The following PPM1L variants were observed in gnomAD, a reference collection of about 807,000 sequenced individuals.
PPM1L encodes protein phosphatase 1L.
A neutral mutation model predicts 31.4 loss-of-function variants in PPM1L; 13 were observed. The ratio of observed to expected loss-of-function variants is 0.41; its 90% confidence interval spans 0.27 to 0.66. The LOEUF (loss-of-function observed/expected upper bound fraction) is 0.66, where lower values mean the gene tolerates loss of function less well. Among genes scored for constraint, PPM1L ranks in the 30% least tolerant of loss-of-function variants. The pLI, the probability that PPM1L is intolerant of heterozygous loss-of-function variation, is 0.29. For synonymous variants in PPM1L, 184 were observed against 175.4 expected (o/e 1.05, Z -0.39); for missense variants, 326 against 453.7 (o/e 0.72, Z 2.56).
intron 1 of PPM1L, among the ~76,000 whole-genome samples, chr3:160,944,841 T>C (rs1487971172): frequency 4.0e-5 from 1 of 25,278 alleles, no homozygotes; most frequent in African/African-American, 1.7e-4. Flanking sequence ...CATATATATG[T>C]TATATATAAC....
intron 2 of PPM1L, among the ~76,000 whole-genome samples, chr3:161,003,208 T>G (rs1717566833): frequency 1.3e-5 from 2 of 151,588 alleles, no homozygotes; most frequent in Admixed American, 6.6e-5. Context: ...ATGTCTGTTT[T>G]GGTACCAGTA....
At chr3:160,917,616 G>A (rs917534371) in intron 1 of PPM1L, among the ~76,000 whole-genome samples, 2 of 152,066 alleles carry the variant, frequency 1.3e-5, no homozygotes, top group Non-Finnish European at 2.9e-5. Context: ...CCTGCCTGCA[G>A]CTATTAAAAG....
At chr3:160,965,912 TA>T (rs769454794) in intron 2 of PPM1L, among the ~76,000 whole-genome samples, 1 of 152,074 alleles carries the variant, frequency 6.6e-6, no homozygotes, top group Non-Finnish European at 1.5e-5. Flanking sequence ...CTTCTATTAA[TA>T]AAAAAACAAT....
chr3:160,978,362 G>A (rs531658266), intron 2 of PPM1L, among the ~76,000 whole-genome samples: 34 of 152,338 alleles, frequency 2.2e-4, no homozygotes, highest in Admixed American at 3.3e-4. Context: ...GTCCGAGGCA[G>A]CATCTGAGCA....
rs577983697 is a variant in PPM1L at position 160,764,518 on chromosome 3, G to A, written c.399+7811G>A. ...GTGTCTTGTTCTGTCCCAGGCTGGA[G>A]TGCAATGGCACGATCTAGGCTCGCT... On this transcript the variant is annotated intron_variant, in intron 1 of 3. Transcript: ENST00000498165. 1.1e-3 allele frequency among the ~76,000 whole-genome samples: 160 copies of A among 150,350 alleles called. 1 individual carries two copies. The highest frequency in any genetic ancestry group is 3.5e-3 in the Admixed American group (53 of 15,112).
At chr3:160,864,679 A>G (rs968641705) in intron 1 of PPM1L, among the ~76,000 whole-genome samples, 6 of 152,254 alleles carry the variant, frequency 3.9e-5, no homozygotes, top group Admixed American at 3.3e-4. Flanking sequence ...TGAATAAGAC[A>G]TAAGTCTTGT....
chr3:160,917,101 A>G (rs6799160), intron 1 of PPM1L, among the ~76,000 whole-genome samples: 57,060 of 152,076 alleles, frequency 0.38, 13,661 homozygotes, highest in Non-Finnish European at 0.54. Flanking sequence ...TGCTACTTAT[A>G]CTATTTACTT....
At chr3:160,972,701 T>G (rs1339823835) in intron 2 of PPM1L, among the ~76,000 whole-genome samples, 1 of 152,184 alleles carries the variant, frequency 6.6e-6, no homozygotes, top group Non-Finnish European at 1.5e-5. Flanking sequence ...TTATAATCCT[T>G]TGGGTATATA....
At chr3:160,997,036 G>T (rs1243136551) in intron 2 of PPM1L, among the ~76,000 whole-genome samples, 1 of 152,158 alleles carries the variant, frequency 6.6e-6, no homozygotes, top group African/African-American at 2.4e-5. Context: ...GGGGCTAATG[G>T]ATCAGATATC....
intron 1 of PPM1L, among the ~76,000 whole-genome samples, chr3:160,784,280 A>C (rs547633628): frequency 1.3e-5 from 2 of 152,286 alleles, no homozygotes; most frequent in East Asian, 3.9e-4. Flanking sequence ...TACTGTTCTA[A>C]TCTACCATAC....
intron 1 of PPM1L, among the ~76,000 whole-genome samples, chr3:160,805,167 G>C (rs1017694048): frequency 6.6e-6 from 1 of 152,158 alleles, no homozygotes; most frequent in African/African-American, 2.4e-5. Flanking sequence ...TTCCACTGGC[G>C]TATGTAATTC....
At chr3:160,926,965 C>A (rs1324719932) in intron 1 of PPM1L, among the ~76,000 whole-genome samples, 1 of 152,190 alleles carries the variant, frequency 6.6e-6, no homozygotes, top group Non-Finnish European at 1.5e-5. Flanking sequence ...AATCATTGAT[C>A]CTCAGTGCCT....
At chr3:160,970,445 ATATTT>A (rs1716291458) in intron 2 of PPM1L, among the ~76,000 whole-genome samples, 1 of 33,458 alleles carries the variant, frequency 3.0e-5, no homozygotes. Flanking sequence ...ACCAAGCTGA[ATATTT>A]TTTTTTTTTT....
intron 2 of PPM1L, among the ~76,000 whole-genome samples, chr3:161,005,369 A>C (rs1472523166): frequency 6.6e-6 from 1 of 152,232 alleles, no homozygotes; most frequent in African/African-American, 2.4e-5. Flanking sequence ...CCTACCTTTT[A>C]AAGTGGCATG....
intron 1 of PPM1L, among the ~76,000 whole-genome samples, chr3:160,850,493 C>T (rs1209132423): frequency 6.6e-6 from 1 of 152,072 alleles, no homozygotes; most frequent in Non-Finnish European, 1.5e-5. Flanking sequence ...TTTAGTCAAC[C>T]TCCAGTCCTG....
At chr3:160,830,505 T>G (rs576108156) in intron 1 of PPM1L, among the ~76,000 whole-genome samples, 365 of 152,204 alleles carry the variant, frequency 2.4e-3, no homozygotes, top group African/African-American at 8.6e-3. Context: ...CCCTGAAAAT[T>G]TAGGATTAAT....
intron 1 of PPM1L, among the ~76,000 whole-genome samples, chr3:160,860,231 G>A (rs889784032): frequency 2.0e-5 from 3 of 152,130 alleles, no homozygotes; most frequent in African/African-American, 7.2e-5. Context: ...ACGTCCAGAT[G>A]CCTTCCTCCA....
intron 2 of PPM1L, among the ~76,000 whole-genome samples, chr3:161,051,865 T>A (rs1719289522): frequency 6.6e-6 from 1 of 152,204 alleles, no homozygotes; most frequent in African/African-American, 2.4e-5. Flanking sequence ...CTTATTTCAT[T>A]CACTTCCACG....
At chr3:161,046,425 T>C (rs1222535109) in intron 2 of PPM1L, among the ~76,000 whole-genome samples, 2 of 151,298 alleles carry the variant, frequency 1.3e-5, no homozygotes, top group Non-Finnish European at 3.0e-5. Context: ...AATAACAGGC[T>C]CTGAAATTGA....
Sources: gnomAD v4.1 joint callset for allele counts (sites outside exome capture counted in the v4.1 genomes callset) on GRCh38, gnomAD v4.1.1 for gene constraint, MANE v1.5 for transcripts, NCBI Gene and HGNC (gene_info 2026-07-23, HGNC 2026-07-21) for gene names.